MAP3K15: variants seen among roughly 807,000 people sequenced by gnomAD.
MAP3K15 encodes the protein MAPK/ERK kinase kinase 15.
Under a neutral mutation model 99.5 loss-of-function variants are expected in MAP3K15, and 124 were observed. The ratio of observed to expected loss-of-function variants is 1.25; its 90% CI spans 1.08 to 1.45. The LOEUF is 1.45. Ranked by LOEUF, MAP3K15 falls within the 40% of genes most tolerant of loss-of-function variation. The pLI is 0.00. For synonymous variants in MAP3K15, 494 were observed against 439.6 expected (o/e 1.12, Z -1.55); for missense variants, 1,242 against 1,079.7 (o/e 1.15, Z -2.11).
At chrX:19,489,511 T>C (rs149474300) in intron 1 of MAP3K15, among the ~76,000 whole-genome samples, 16 of 110,964 alleles carry the variant, frequency 1.4e-4, no homozygotes, top group African/African-American at 4.6e-4. Context: ...TCCCCCAATA[T>C]GATGGTACCT....
chrX:19,486,875 C>T lies in MAP3K15; in HGVS notation c.502-370G>A, dbSNP rs1602346030. Among the ~76,000 whole-genome samples the T allele has an allele frequency of 3.6e-5, 4 of 110,781 alleles. No individual in the cohort carries two copies. The East Asian group carries it at 8.5e-4, about 24-fold the overall frequency. ...ATCTTGCCTTCCCAGAAAAGAATGT[C>T]GGCGATAGCAAGAAAGGGCCCAGAA... On this transcript the variant is annotated intron_variant, in intron 2 of 28. Transcript: ENST00000338883.
chrX:19,361,055 T>TAAAG, intron 28 of MAP3K15: 1 of 418,954 alleles, frequency 2.4e-6, no homozygotes, highest in South Asian at 4.0e-5. Context: ...GGCTGCAGTT[T>TAAAG]AAAGAAGGGG....
At chrX:19,411,364 G>A (rs2063686105) in intron 11 of MAP3K15, among the ~76,000 whole-genome samples, 1 of 111,856 alleles carries the variant, frequency 8.9e-6, no homozygotes, top group African/African-American at 3.3e-5. Flanking sequence ...GAACAGACTG[G>A]GAAGATGGTT....
chrX:19,438,828 T>C (rs1292855737), intron 6 of MAP3K15, among the ~76,000 whole-genome samples: 1 of 112,391 alleles, frequency 8.9e-6, no homozygotes, highest in Non-Finnish European at 1.9e-5. Flanking sequence ...AAGAGACTTC[T>C]GCTTCCAATT....
intron 1 of MAP3K15, among the ~76,000 whole-genome samples, chrX:19,510,553 A>G (rs1196832187): frequency 8.9e-6 from 1 of 112,484 alleles, no homozygotes; most frequent in Admixed American, 9.4e-5. Flanking sequence ...TCAAAATAAT[A>G]AGAGCTATTT....
chrX:19,380,314 T>C (rs1381801960), intron 18 of MAP3K15, 37 bp from the exon 19 acceptor site: 3 of 1,194,524 alleles, frequency 2.5e-6, no homozygotes, highest in Non-Finnish European at 1.1e-6. Flanking sequence ...GTGGGTACCA[T>C]ATTGCTCAGA....
At chrX:19,435,924 C>A (rs149949593) in intron 6 of MAP3K15, among the ~76,000 whole-genome samples, 1 of 111,473 alleles carries the variant, frequency 9.0e-6, no homozygotes, top group African/African-American at 3.3e-5. Flanking sequence ...GAGGCCAAGG[C>A]GGGCAGATTA....
chrX:19,510,382 T>A (rs1461773412), intron 1 of MAP3K15, among the ~76,000 whole-genome samples: 1 of 112,173 alleles, frequency 8.9e-6, no homozygotes, highest in African/African-American at 3.2e-5. Flanking sequence ...AATGCAAGGC[T>A]GGTTCAACAT....
chrX:19,497,692 T>C (rs1478171561), intron 1 of MAP3K15: 1 of 111,451 alleles, frequency 9.0e-6, no homozygotes, highest in East Asian at 2.8e-4. Context: ...TTAATGGCCA[T>C]ACAAGGTATC....
chrX:19,393,860 C>G (rs1020709097), intron 16 of MAP3K15, among the ~76,000 whole-genome samples: 2 of 98,685 alleles, frequency 2.0e-5, no homozygotes, highest in Non-Finnish European at 4.0e-5. Context: ...GCAACCTCCT[C>G]CTCCTGGTTT....
Position 19,406,091 on chromosome X carries a change from CA to C in MAP3K15, c.1844+1096del. On this transcript the variant is annotated intron_variant, in intron 13 of 28. Transcript: ENST00000338883. ...CACTAGGATTACAATACTCAAAAGACAGATAATAACTAGTGTTGGCAAGGAC... is the reference window on the plus strand; with the variant it reads ...CACTAGGATTACAATACTCAAAAGACGATAATAACTAGTGTTGGCAAGGAC... Among the ~76,000 whole-genome samples, 3 of 111,432 alleles carry C rather than the reference CA, an allele frequency of 2.7e-5. No individual in the cohort carries two copies. In the Middle Eastern group the frequency reaches 0.014, roughly 518 times the overall value.
In MAP3K15 at chrX:19,439,697, G is replaced by C. The variant is rs182223171; in HGVS notation, c.996-8089C>G. Among the ~76,000 whole-genome samples the C allele has an allele frequency of 1.9e-3, 214 of 111,647 alleles. 1 individual carries two copies. The highest frequency in any genetic ancestry group is 6.7e-3 in the African/African-American group (205 of 30,762). ...TTGTCCAGGCTGGTCTCAAACTCCT[G>C]GCCTCAAGTGATCCTCCCACCTCGG... On this transcript the variant is annotated intron_variant, in intron 6 of 28. Coordinates refer to ENST00000338883, the MANE Select transcript of MAP3K15 (RefSeq NM_001001671.4).
chrX:19,407,537 A>G (rs1461018266), intron 12 of MAP3K15, among the ~76,000 whole-genome samples: 1 of 112,280 alleles, frequency 8.9e-6, no homozygotes, highest in African/African-American at 3.2e-5. Context: ...TGCTAAGCAA[A>G]GCATACGGGC....
chrX:19,501,190 G>A (rs917450964), intron 1 of MAP3K15, among the ~76,000 whole-genome samples: 1 of 111,681 alleles, frequency 9.0e-6, no homozygotes, highest in Non-Finnish European at 1.9e-5. Context: ...GCCTGAGCAC[G>A]CCTGGCCACT....
At chrX:19,425,021 G>A (rs760570409) in intron 9 of MAP3K15, among the ~76,000 whole-genome samples, 3 of 110,617 alleles carry the variant, frequency 2.7e-5, no homozygotes, top group African/African-American at 6.6e-5. Flanking sequence ...AAACTTACCC[G>A]GGGACTGGCT....
chrX:19,361,790 C>G (rs2063291420), intron 26 of MAP3K15, 197 bp from the exon 27 acceptor site: 2 of 352,220 alleles, frequency 5.7e-6, no homozygotes, highest in African/African-American at 5.2e-5. Context: ...GCCTCCTCAT[C>G]TAGGATACCT....
intron 16 of MAP3K15, 116 bp from the exon 17 acceptor site, chrX:19,392,589 G>A (rs751557418): frequency 2.0e-5 from 14 of 717,476 alleles, no homozygotes; most frequent in South Asian, 2.7e-5. Context: ...CAACACCATC[G>A]GATCTGGGCT....
At chrX:19,490,797 T>C (rs2064363773) in intron 1 of MAP3K15, among the ~76,000 whole-genome samples, 1 of 110,090 alleles carries the variant, frequency 9.1e-6, no homozygotes, top group Non-Finnish European at 1.9e-5. Flanking sequence ...AGTTGCACCC[T>C]GTAATAGAGA....
chrX:19,396,076 T>C (rs2147253187), intron 15 of MAP3K15, among the ~76,000 whole-genome samples: 1 of 111,859 alleles, frequency 8.9e-6, no homozygotes, highest in East Asian at 2.8e-4. Context: ...ATTCCTCTTC[T>C]GCGTTCTAAA....
Sources: allele counts gnomAD v4.1 joint callset (sites outside exome capture counted in the v4.1 genomes callset), GRCh38; gene constraint gnomAD v4.1.1; transcripts MANE v1.5; gene names NCBI Gene and HGNC (gene_info 2026-07-23, HGNC 2026-07-21).